Variants in PPP2R2D observed in about 807,000 individuals in gnomAD.
PPP2R2D encodes the protein serine/threonine-protein phosphatase 2A 55 kDa regulatory subunit B delta isoform.
A neutral mutation model predicts 31.1 loss-of-function variants in PPP2R2D; 9 were observed. That is an observed-to-expected ratio of 0.29 (90% CI 0.17 to 0.51). PPP2R2D has a LOEUF of 0.51. PPP2R2D is among the 20% of genes least tolerant of loss of function. The pLI is 0.98. For synonymous variants in PPP2R2D, 179 were observed against 172.6 expected, an observed-to-expected ratio of 1.04 and a Z score of -0.29; for missense variants, 391 against 465.6, an observed-to-expected ratio of 0.84 and a Z score of 1.48.
intron 2 of PPP2R2D, among the ~76,000 whole-genome samples, chr10:131,903,466 C>CAAA (rs1175160035): frequency 1.1e-3 from 78 of 74,196 alleles, no homozygotes; most frequent in Middle Eastern, 6.6e-3. Flanking sequence ...GGCTCCATCT[C>CAAA]AAAAAAAAAA....
At chr10:131,907,586 A>T (rs1360092810) in intron 2 of PPP2R2D, among the ~76,000 whole-genome samples, 1 of 152,108 alleles carries the variant, frequency 6.6e-6, no homozygotes, top group African/African-American at 2.4e-5. Context: ...TAAAAAAAAT[A>T]CAAAAAATCA....
intron 5 of PPP2R2D, among the ~76,000 whole-genome samples, chr10:131,943,582 G>A (rs2036479975): frequency 6.6e-6 from 1 of 152,116 alleles, no homozygotes; most frequent in Non-Finnish European, 1.5e-5. Context: ...CTAGCTGCAA[G>A]GAGAGGACAA....
intron 2 of PPP2R2D, among the ~76,000 whole-genome samples, chr10:131,919,832 A>G (rs1203647606): frequency 2.4e-5 from 3 of 124,272 alleles, no homozygotes; most frequent in African/African-American, 6.3e-5. Context: ...CAGTGTTTGT[A>G]GGGACCTCAG....
At chr10:131,910,134 G>A (rs1048779260) in intron 2 of PPP2R2D, among the ~76,000 whole-genome samples, 1 of 152,208 alleles carries the variant, frequency 6.6e-6, no homozygotes, top group Admixed American at 6.5e-5. Context: ...AGGTGGCAGC[G>A]TGTTTGAGTG....
Position 131,901,261 on chromosome 10 carries a change from G to T in PPP2R2D, c.31G>T (p.Ala11Ser). The T allele has an allele frequency of 2.8e-6, 1 of 358,636 alleles. No individual in the cohort carries two copies. Among genetic ancestry groups the T allele is most frequent in the Non-Finnish European group, 5.0e-6 (1 of 200,274 alleles). The allele number at this position is 358,636 out of a possible 1,614,324, so 22.2% of individuals were successfully genotyped here. A position where few individuals can be genotyped will look rare whatever the true frequency, so the allele number is the denominator to read the frequency against. MAGAGGGGCP[A>S]GGNDFQWCFS... ...AGGAGCCGGAGGCGGCGGCTGCCCC[G>T]CGGGCGGCAACGACTTCCAGTGGTG... The change falls in exon 2 of 9, where the codon GCG becomes TCG. Residue 11 changes from alanine to serine, a missense_variant. Ala to Ser is a moderately conservative substitution (Grantham distance 99). Around this residue, in one of 3 missense-constraint regions of PPP2R2D, gnomAD observed 105 missense variants for 98.5 expected, o/e 1.07. Transcript: ENST00000455566.
intron 2 of PPP2R2D, among the ~76,000 whole-genome samples, chr10:131,914,657 C>A (rs559461917): frequency 6.6e-6 from 1 of 152,268 alleles, no homozygotes; most frequent in East Asian, 1.9e-4. Flanking sequence ...TTCTGGGCCC[C>A]TCGGAGAGCA....
At chr10:131,971,353 C>G in the PPP2R2D span, 1 of 247,178 alleles carries the variant, frequency 4.0e-6, no homozygotes, top group South Asian at 5.5e-5. Context: ...ATGAAAACAG[C>G]CGAAAACGGC....
chr10:131,904,212 A>AC (rs1320710377), intron 2 of PPP2R2D, among the ~76,000 whole-genome samples: 4 of 149,656 alleles, frequency 2.7e-5, no homozygotes, highest in Non-Finnish European at 5.9e-5. Flanking sequence ...TCAAAAAAAA[A>AC]AAAAAAAGGA....
chr10:131,943,643 CAG>C (rs1409384594), intron 5 of PPP2R2D, among the ~76,000 whole-genome samples: 1 of 152,186 alleles, frequency 6.6e-6, no homozygotes, highest in African/African-American at 2.4e-5. Context: ...TCCAGCGCCT[CAG>C]TGTGGCCACT....
intron 3 of PPP2R2D, chr10:131,939,721 G>A (rs2119835612): frequency 1.1e-5 from 2 of 188,494 alleles, no homozygotes; most frequent in East Asian, 1.3e-4. Flanking sequence ...AAATACGGCA[G>A]GCTGCATTCG....
In PPP2R2D at chr10:131,918,083, A is replaced by G. The variant is rs1252364979; in HGVS notation, c.101-16375A>G. 1.5e-3 allele frequency among the ~76,000 whole-genome samples: 213 copies of G among 145,818 alleles called. 3 individuals carry two copies. Among genetic ancestry groups the G allele is most frequent in the Non-Finnish European group, 5.0e-4 (33 of 66,348 alleles). ...GTAGGGACCTCAGGCGGGTGGAGTG[A>G]CACAGTGTTTGTAGGGACCTCAGGC... On this transcript the variant is annotated intron_variant, in intron 2 of 8. Transcript: ENST00000455566.
Position 131,957,353 on chromosome 10 carries a change from C to T in PPP2R2D, c.*1390C>T, listed in dbSNP as rs2036819124. The stretch of plus-strand genomic sequence containing the variant: ...TGGAGAAGGAGGTGTGTGCTGATCC[C>T]CTGTGCCCTGTGGAGATGGAGGTGT... On this transcript the variant is annotated 3_prime_UTR_variant, in exon 9 of 9. Transcript: ENST00000455566. 2 of 206,638 alleles carry T rather than the reference C, an allele frequency of 9.7e-6. No homozygotes were observed. Among genetic ancestry groups the T allele is most frequent in the Non-Finnish European group, 2.0e-5 (2 of 100,710 alleles). The allele number at this position is 206,638 out of a possible 1,614,324, so 12.8% of individuals were successfully genotyped here.
chr10:131,930,585 T>C (rs554248301), intron 2 of PPP2R2D, among the ~76,000 whole-genome samples: 21 of 152,352 alleles, frequency 1.4e-4, no homozygotes, highest in Non-Finnish European at 2.8e-4. Context: ...CTCCCAGAAT[T>C]TTGAGGGTAG....
At chr10:131,940,980 A>G (rs563140021) in intron 5 of PPP2R2D, 12 of 294,256 alleles carry the variant, frequency 4.1e-5, no homozygotes, top group Non-Finnish European at 7.6e-5. Flanking sequence ...CATAGCAACC[A>G]CCCTTCTCTC....
Position 131,957,637 on chromosome 10 carries a change from G to T in PPP2R2D, c.*1674G>T. ...ATCCCCATCCCCCTGTGGAGATGAA[G>T]GGATATGCTGATCCCCTGTCCCACT... is the stretch of plus-strand genomic sequence containing the variant. On this transcript the variant is annotated 3_prime_UTR_variant, in exon 9 of 9. Coordinates refer to ENST00000455566, the MANE Select transcript of PPP2R2D (RefSeq NM_018461.5). 6.0e-6 allele frequency: 1 copy of T among 166,370 alleles called. No homozygotes were observed. The highest frequency in any genetic ancestry group is 1.3e-5 in the Non-Finnish European group (1 of 78,778). The allele number at this position is 166,370 out of a possible 1,614,324, so 10.3% of individuals were successfully genotyped here.
At chr10:131,902,309 G>A (rs1202447407) in intron 2 of PPP2R2D, among the ~76,000 whole-genome samples, 1 of 152,108 alleles carries the variant, frequency 6.6e-6, no homozygotes, top group Non-Finnish European at 1.5e-5. Flanking sequence ...CCTGCCTCAA[G>A]TTACTAAAAG....
At chr10:131,904,856 A>G (rs878899138) in intron 2 of PPP2R2D, among the ~76,000 whole-genome samples, 106,380 of 152,126 alleles carry the variant, frequency 0.7, 37,982 homozygotes, top group African/African-American at 0.86. Flanking sequence ...AGTGAGTGAC[A>G]TAGAAAAGCC....
At chr10:131,951,829 CAAAA>C (rs560160242) in intron 8 of PPP2R2D, among the ~76,000 whole-genome samples, 395 of 151,744 alleles carry the variant, frequency 2.6e-3, no homozygotes, top group Middle Eastern at 0.01. Flanking sequence ...CAAAAAAAAA[CAAAA>C]AAAATCTGTA....
chr10:131,927,136 A>G (rs1316124615), intron 2 of PPP2R2D, among the ~76,000 whole-genome samples: 1 of 152,096 alleles, frequency 6.6e-6, no homozygotes, highest in East Asian at 1.9e-4. Context: ...TCTGTTTTTC[A>G]TGAAATAAGC....
Sources: gnomAD v4.1 joint callset for allele counts (sites outside exome capture counted in the v4.1 genomes callset) on GRCh38, gnomAD v4.1.1 for gene constraint, gnomAD v4.1.1 regional missense constraint, MANE v1.5 for transcripts, NCBI Gene and HGNC (gene_info 2026-07-23, HGNC 2026-07-21) for gene names.